The following PAG1 variants were observed in gnomAD, a reference collection of about 807,000 sequenced individuals.
The protein encoded by PAG1 is phosphoprotein membrane anchor with glycosphingolipid microdomains 1.
Under a neutral mutation model 31.7 loss-of-function variants are expected in PAG1, and 23 were observed. That is an observed-to-expected ratio of 0.73 (90% CI 0.52 to 1.03). The LOEUF is 1.03. Among genes scored for constraint, PAG1 ranks in the 50% least tolerant of loss-of-function variants. The probability of loss-of-function intolerance (pLI) is 0.00; values close to 1 mark genes in which losing one functional copy is unlikely to be tolerated. For synonymous variants in PAG1, 214 were observed against 210.3 expected (o/e 1.02, Z -0.15); for missense variants, 473 against 540.7 (o/e 0.87, Z 1.24).
intron 1 of PAG1, among the ~76,000 whole-genome samples, chr8:81,084,337 G>A (rs1474635958): frequency 1.3e-5 from 2 of 152,160 alleles, no homozygotes; most frequent in Non-Finnish European, 2.9e-5. Context: ...CATTGCATTT[G>A]CTATGCTGAA....
intron 2 of PAG1, among the ~76,000 whole-genome samples, chr8:81,063,612 T>C (rs995871179): frequency 6.6e-6 from 1 of 152,156 alleles, no homozygotes; most frequent in Non-Finnish European, 1.5e-5. Flanking sequence ...GTTAGTAATT[T>C]GGATGTGACA....
chr8:80,985,384 C>T lies in PAG1; in HGVS notation c.275-7G>A, dbSNP rs1198940606. 6.3e-7 allele frequency: 1 copy of T among 1,598,080 alleles called. No individual in the cohort carries two copies. The highest frequency in any genetic ancestry group is 1.3e-5 in the African/African-American group (1 of 74,414). On this transcript the variant is annotated splice_polypyrimidine_tract_variant and splice_region_variant and intron_variant, in intron 6 of 8. Transcript: ENST00000220597. ...GTACTGTCCTCTGAAAGAACTAAAG[C>T]AGCACACACATTAAAAGCGGAGAAA... is the stretch of plus-strand genomic sequence containing the variant.
intron 2 of PAG1, among the ~76,000 whole-genome samples, chr8:81,034,723 A>G (rs950800582): frequency 2.6e-5 from 4 of 152,198 alleles, no homozygotes; most frequent in African/African-American, 9.7e-5. Context: ...GAGCAAGTCC[A>G]ATAGTTCCCT....
chr8:80,983,978 G>A lies in PAG1; in HGVS notation c.876+798C>T, dbSNP rs943387475. Among the ~76,000 whole-genome samples the A allele has an allele frequency of 5.9e-5, 9 of 152,182 alleles. No homozygotes were observed. The South Asian group carries it at 1.7e-3, about 28-fold the overall frequency. On this transcript the variant is annotated intron_variant, in intron 7 of 8. Coordinates refer to ENST00000220597, the MANE Select transcript of PAG1 (RefSeq NM_018440.4). ...GGGTTCACCTCTGGCCATGAACTAC[G>A]GAAGGTTTTTAAGGCTACTAGTGAC...
At chr8:81,057,700 G>A (rs969374478) in intron 2 of PAG1, among the ~76,000 whole-genome samples, 21 of 151,986 alleles carry the variant, frequency 1.4e-4, no homozygotes, top group Non-Finnish European at 2.9e-4. Flanking sequence ...ATGTACCCTA[G>A]GACTTAAAGT....
intron 4 of PAG1, among the ~76,000 whole-genome samples, chr8:80,991,865 T>C (rs1005278072): frequency 1.5e-4 from 23 of 151,984 alleles, no homozygotes; most frequent in African/African-American, 5.3e-4. Flanking sequence ...TACCTTTTTT[T>C]TTTTTTTTTT....
intron 2 of PAG1, among the ~76,000 whole-genome samples, chr8:81,044,119 C>A (rs2130847931): frequency 6.6e-6 from 1 of 152,312 alleles, no homozygotes; most frequent in East Asian, 1.9e-4. Context: ...TTCTAAAATG[C>A]AAATATTAAC....
Position 81,049,079 on chromosome 8 carries a change from T to C in PAG1, c.-174-18990A>G, listed in dbSNP as rs535055750. On this transcript the variant is annotated intron_variant, in intron 2 of 8. Transcript: ENST00000220597. ...GCAGGGTGAATATAAAATTAATATA[T>C]GCTCTATACTGTGATCCTGCAGAGC... Among the ~76,000 whole-genome samples the C allele has an allele frequency of 1.3e-3, 198 of 152,324 alleles. 1 individual carries two copies. The highest frequency in any genetic ancestry group is 4.4e-3 in the African/African-American group (181 of 41,564).
At chr8:80,980,635 A>G (rs1330125914) in intron 7 of PAG1, 141 bp from the exon 8 acceptor site, 1 of 618,982 alleles carries the variant, frequency 1.6e-6, no homozygotes, top group African/African-American at 1.8e-5. Flanking sequence ...GGGAAGAGAA[A>G]CACTTATGCA....
chr8:80,980,520 A>G (rs1807277859), intron 7 of PAG1, 26 bp from the exon 8 acceptor site: 20 of 1,483,980 alleles, frequency 1.3e-5, no homozygotes, highest in South Asian at 3.4e-5. Flanking sequence ...CAAGCCAAGG[A>G]AAGTAATTCA....
At chr8:81,074,184 AG>A (rs774664269) in intron 1 of PAG1, among the ~76,000 whole-genome samples, 9 of 152,322 alleles carry the variant, frequency 5.9e-5, no homozygotes, top group Non-Finnish European at 1.2e-4. Context: ...ATAGCGGCAC[AG>A]GGACCCACTG....
rs536304389 is a variant in PAG1 at position 80,990,309 on chromosome 8, T to C, written c.177+1170A>G. Among the ~76,000 whole-genome samples the C allele has an allele frequency of 1.6e-3, 239 of 152,176 alleles. 2 individuals carry two copies. Among genetic ancestry groups the C allele is most frequent in the African/African-American group, 4.7e-3 (197 of 41,536 alleles). ...CTGCCTGCTTGGGCCAGAGGAGTCC[T>C]GAGAATTGGCAGGTCAGGAAGCCTA... On this transcript the variant is annotated intron_variant, in intron 5 of 8. Transcript: ENST00000220597. The surrounding 1 kb of genome is among the most constrained non-coding windows in gnomAD (Gnocchi z 5.1).
intron 1 of PAG1, among the ~76,000 whole-genome samples, chr8:81,103,613 T>C (rs1809644444): frequency 6.6e-6 from 1 of 152,220 alleles, no homozygotes; most frequent in African/African-American, 2.4e-5. Context: ...ATATAATGTG[T>C]CCTGTTTTTA....
At chr8:80,982,026 C>G (rs1259587181) in intron 7 of PAG1, among the ~76,000 whole-genome samples, 1 of 151,950 alleles carries the variant, frequency 6.6e-6, no homozygotes, top group African/African-American at 2.4e-5. Flanking sequence ...CCACCATGCC[C>G]AGTTAATTTT....
At chr8:80,978,913 T>C (rs929907759) in intron 8 of PAG1, among the ~76,000 whole-genome samples, 1 of 152,260 alleles carries the variant, frequency 6.6e-6, no homozygotes, top group South Asian at 2.1e-4. Context: ...ATTGTTGCTA[T>C]ATTCCCATAA....
intron 2 of PAG1, among the ~76,000 whole-genome samples, chr8:81,050,431 T>A (rs1218135689): frequency 2.6e-5 from 4 of 152,002 alleles, no homozygotes; most frequent in Non-Finnish European, 5.9e-5. Context: ...CAGTTTTGAG[T>A]TTTACGCATC....
At chr8:81,074,281 G>A (rs1045796741) in intron 1 of PAG1, among the ~76,000 whole-genome samples, 1 of 152,148 alleles carries the variant, frequency 6.6e-6, no homozygotes, top group Non-Finnish European at 1.5e-5. Context: ...CGTGGGGAGA[G>A]AGCTGTGTTA....
In PAG1 at chr8:81,065,100, G is replaced by A. The variant is rs980064028; in HGVS notation, c.-175+5012C>T. ...GCACCAGCTGCTCTTGGGGGGAGGC[G>A]CTCAAGGCCCCAGCCTCTAACTGGA... On this transcript the variant is annotated intron_variant, in intron 2 of 8. Coordinates refer to ENST00000220597, the MANE Select transcript of PAG1 (RefSeq NM_018440.4). Among the ~76,000 whole-genome samples, 9 of 152,256 alleles carry A rather than the reference G, an allele frequency of 5.9e-5. No homozygotes were observed. The East Asian group carries it at 1.2e-3, about 20-fold the overall frequency.
chr8:81,055,387 C>A (rs919286595), intron 2 of PAG1, among the ~76,000 whole-genome samples: 2 of 152,092 alleles, frequency 1.3e-5, no homozygotes, highest in Non-Finnish European at 1.5e-5. Context: ...TGAATGAATT[C>A]ATCCTGGGGT....
Sources: allele counts gnomAD v4.1 joint callset (sites outside exome capture counted in the v4.1 genomes callset), GRCh38; gene constraint gnomAD v4.1.1; non-coding constraint Gnocchi (gnomAD v3.1); transcripts MANE v1.5; gene names NCBI Gene and HGNC (gene_info 2026-07-23, HGNC 2026-07-21).